The following OLFM2 variants were observed in gnomAD, a reference collection of about 807,000 sequenced individuals.
OLFM2 encodes noelin-2.
A neutral mutation model predicts 43.9 loss-of-function variants in OLFM2; 20 were observed. The ratio of observed to expected loss-of-function variants is 0.46; its 90% CI spans 0.32 to 0.66. The LOEUF (loss-of-function observed/expected upper bound fraction) is 0.66, where lower values mean the gene tolerates loss of function less well. OLFM2 is among the 30% of genes least tolerant of loss of function. The pLI is 0.04. For synonymous variants in OLFM2, 268 were observed against 278.6 expected, an observed-to-expected ratio of 0.96 and a Z score of 0.38; for missense variants, 416 against 643.6, an observed-to-expected ratio of 0.65 and a Z score of 3.83.
At chr19:9,916,051 G>A (rs1204082133) in intron 1 of OLFM2, among the ~76,000 whole-genome samples, 2 of 152,126 alleles carry the variant, frequency 1.3e-5, no homozygotes, top group Non-Finnish European at 2.9e-5. Context: ...TCAAATAGTA[G>A]CTACCATTGT....
At chr19:9,864,523 A>T (rs2046385622) in intron 1 of OLFM2, among the ~76,000 whole-genome samples, 1 of 151,790 alleles carries the variant, frequency 6.6e-6, no homozygotes, top group Admixed American at 6.6e-5. Context: ...CTGGTCTCGA[A>T]CTCCTGGCCT....
chr19:9,884,297 C>G (rs2046567047), intron 1 of OLFM2, among the ~76,000 whole-genome samples: 1 of 146,684 alleles, frequency 6.8e-6, no homozygotes, highest in South Asian at 2.2e-4. Context: ...AAAAAAAAAG[C>G]CCAGGCACAG....
At chr19:9,877,916 G>A (rs937674733) in intron 1 of OLFM2, among the ~76,000 whole-genome samples, 11 of 151,838 alleles carry the variant, frequency 7.2e-5, no homozygotes, top group South Asian at 4.2e-4. Context: ...GCAATGATGC[G>A]ATCCTGACTC....
chr19:9,875,683 TTTTG>T (rs34911920), intron 1 of OLFM2, among the ~76,000 whole-genome samples: 31 of 150,732 alleles, frequency 2.1e-4, no homozygotes, highest in Non-Finnish European at 4.1e-4. Flanking sequence ...TTCTTTTGTT[TTTTG>T]TTTGTTTTTT....
At chr19:9,898,977 C>T (rs1205350276) in intron 1 of OLFM2, among the ~76,000 whole-genome samples, 2 of 152,154 alleles carry the variant, frequency 1.3e-5, no homozygotes, top group Non-Finnish European at 2.9e-5. Context: ...CACGGCAAAT[C>T]GTCCAGCAGC....
chr19:9,854,384 C>G lies in OLFM2; in HGVS notation c.1167G>C (p.Gly389=), dbSNP rs1271311413. 1 of 1,614,188 alleles carries G rather than the reference C, an allele frequency of 6.2e-7. No individual in the cohort carries two copies. The highest frequency in any genetic ancestry group is 1.7e-5 in the Admixed American group (1 of 60,022). ...VLYVTNSHLA[G]AKVYFAYFTN... is the part of the protein sequence containing the mutation. ...TAAAATAGGCGAAGTAGACCTTGGC[C>G]CCAGCCAGGTGGGAGTTGGTCACGT... The change falls in exon 6 of 6, where the codon GGG becomes GGC. Residue 389 remains glycine, a synonymous_variant. Coordinates refer to ENST00000264833, the MANE Select transcript of OLFM2 (RefSeq NM_058164.4). The surrounding 1 kb of genome is among the most constrained non-coding windows in gnomAD (Gnocchi z 9.5).
chr19:9,862,988 C>A lies in OLFM2; in HGVS notation c.64-2194G>T, dbSNP rs1343419159. 7.4e-4 allele frequency among the ~76,000 whole-genome samples: 100 copies of A among 135,660 alleles called. 1 individual carries two copies. The highest frequency in any genetic ancestry group is 3.7e-3 in the Middle Eastern group (1 of 268). The allele number at this position is 135,660 out of a possible 152,430, so 89.0% of individuals were successfully genotyped here. A position where few individuals can be genotyped will look rare whatever the true frequency, so the allele number is the denominator to read the frequency against. ...TGGGCAAAAGAGTGAAACTCTGTCT[C>A]AAAAAAAAAAAAAAGGATGTGGGGG... On this transcript the variant is annotated intron_variant, in intron 1 of 5. Coordinates refer to ENST00000264833, the MANE Select transcript of OLFM2 (RefSeq NM_058164.4).
At chr19:9,895,494 CAAAT>C (rs57907212) in intron 1 of OLFM2, among the ~76,000 whole-genome samples, 61,561 of 150,416 alleles carry the variant, frequency 0.41, 13,244 homozygotes, top group Admixed American at 0.53. Flanking sequence ...GACCCTGTCT[CAAAT>C]AAATAAATAA....
intron 1 of OLFM2, among the ~76,000 whole-genome samples, chr19:9,869,742 T>A (rs1285622143): frequency 6.6e-6 from 1 of 152,170 alleles, no homozygotes; most frequent in Non-Finnish European, 1.5e-5. Context: ...ATCAGCTTCC[T>A]GAGCATCTGG....
chr19:9,857,190 G>A lies in OLFM2; in HGVS notation c.580+73C>T. 7.2e-7 allele frequency: 1 copy of A among 1,390,142 alleles called. No homozygotes were observed. The allele number at this position is 1,390,142 out of a possible 1,614,324, so 86.1% of individuals were successfully genotyped here. On this transcript the variant is annotated intron_variant, in intron 4 of 5. Coordinates refer to ENST00000264833, the MANE Select transcript of OLFM2 (RefSeq NM_058164.4). The surrounding 1 kb of genome is among the most constrained non-coding windows in gnomAD (Gnocchi z 5.7). Reference sequence around the variant, plus strand: ...GGTCAAAACTGTGTCCAGCTTCTAGGCACAAACAGGTGATACTGGAGTTGG... The same window carrying A: ...GGTCAAAACTGTGTCCAGCTTCTAGACACAAACAGGTGATACTGGAGTTGG...
At chr19:9,911,036 A>T (rs987429714) in intron 1 of OLFM2, among the ~76,000 whole-genome samples, 2 of 152,072 alleles carry the variant, frequency 1.3e-5, no homozygotes, top group African/African-American at 4.8e-5. Context: ...GAAATAATAG[A>T]TGGAGGGAAG....
At chr19:9,859,477 C>T (rs540505508) in intron 2 of OLFM2, among the ~76,000 whole-genome samples, 299 of 152,232 alleles carry the variant, frequency 2.0e-3, no homozygotes, top group African/African-American at 6.8e-3. Flanking sequence ...CCACCACGCC[C>T]GGCTAATTTT....
At chr19:9,879,490 C>T (rs565808572) in intron 1 of OLFM2, among the ~76,000 whole-genome samples, 2 of 152,258 alleles carry the variant, frequency 1.3e-5, no homozygotes, top group Admixed American at 6.5e-5. Flanking sequence ...TGCTCCTGCT[C>T]TGGCCGTGTA....
intron 1 of OLFM2, among the ~76,000 whole-genome samples, chr19:9,917,377 G>A (rs2086390735): frequency 7.8e-6 from 1 of 127,798 alleles, no homozygotes; most frequent in South Asian, 2.5e-4. Context: ...CATTGTGTGG[G>A]TCAGAGCCAT....
intron 1 of OLFM2, among the ~76,000 whole-genome samples, chr19:9,919,176 C>CTTTCTTTTTTT (rs1555728852): frequency 0.076 from 11,298 of 148,878 alleles, 490 homozygotes; most frequent in African/African-American, 0.11. Flanking sequence ...ATTTCTCTCT[C>CTTTCTTTTTTT]TTTTTTTTGA....
intron 1 of OLFM2, among the ~76,000 whole-genome samples, chr19:9,901,682 T>C (rs866064738): frequency 5.3e-5 from 8 of 152,290 alleles, no homozygotes; most frequent in Middle Eastern, 3.4e-3. Context: ...ATTTGGTTAT[T>C]TGTGTTCCAA....
chr19:9,858,020 T>C, intron 2 of OLFM2, 159 bp from the exon 3 acceptor site: 1 of 863,294 alleles, frequency 1.2e-6, no homozygotes, highest in Non-Finnish European at 1.9e-6. Context: ...CCCAATTGCG[T>C]GCCCAATCCA....
chr19:9,879,173 T>C (rs1241469034), intron 1 of OLFM2, among the ~76,000 whole-genome samples: 1 of 152,130 alleles, frequency 6.6e-6, no homozygotes, highest in Non-Finnish European at 1.5e-5. Flanking sequence ...AGTTTCACTC[T>C]TGTTACCCAG....
chr19:9,854,948 A>G lies in OLFM2; in HGVS notation c.688-85T>C, dbSNP rs1398628465. The G allele has an allele frequency of 1.9e-6, 2 of 1,057,658 alleles. No homozygotes were observed. Among genetic ancestry groups the G allele is most frequent in the African/African-American group, 3.2e-5 (2 of 62,360 alleles). 65.5% of individuals were successfully genotyped at this position (1,057,658 alleles called of 1,614,324 possible). A position where few individuals can be genotyped will look rare whatever the true frequency, so the allele number is the denominator to read the frequency against. ...CACCAGCTACAGCCATTAGAGTTCA[A>G]CAGTCACTAAGTGGTCATTAGTCAT... On this transcript the variant is annotated intron_variant, in intron 5 of 5. Transcript: ENST00000264833. This position sits in a 1 kb window ranked among gnomAD's most constrained non-coding sequence, Gnocchi z 9.5.
Sources: gnomAD v4.1 joint callset for allele counts (sites outside exome capture counted in the v4.1 genomes callset) on GRCh38, gnomAD v4.1.1 for gene constraint, Gnocchi (gnomAD v3.1) non-coding constraint, MANE v1.5 for transcripts, NCBI Gene and HGNC (gene_info 2026-07-23, HGNC 2026-07-21) for gene names.